PELI2: variants seen among roughly 807,000 people sequenced by gnomAD.
PELI2 encodes the protein pellino E3 ubiquitin protein ligase family member 2, also known as E3 ubiquitin-protein ligase pellino homolog 2.
In PELI2, 23 loss-of-function variants were observed where a neutral mutation model predicts 42.3. The ratio of observed to expected loss-of-function variants is 0.54; its 90% CI spans 0.39 to 0.77. The LOEUF is 0.77. PELI2 is among the 30% of genes least tolerant of loss of function. The pLI, the probability that PELI2 is intolerant of heterozygous loss-of-function variation, is 0.00. For synonymous variants in PELI2, 245 were observed against 212.2 expected (o/e 1.15, Z -1.34); for missense variants, 463 against 553.2 (o/e 0.84, Z 1.64).
intron 2 of PELI2, among the ~76,000 whole-genome samples, chr14:56,191,752 C>G (rs189080410): frequency 3.0e-4 from 46 of 152,310 alleles, no homozygotes; most frequent in African/African-American, 1.1e-3. Context: ...ATTTTGAGAA[C>G]TTTGTACTTG....
intron 2 of PELI2, among the ~76,000 whole-genome samples, chr14:56,262,359 G>C (rs968933359): frequency 6.6e-6 from 1 of 152,026 alleles, no homozygotes; most frequent in African/African-American, 2.4e-5. Flanking sequence ...TAATGAATTA[G>C]ATCTGAATCC....
chr14:56,137,011 C>A (rs1031431978), intron 1 of PELI2, among the ~76,000 whole-genome samples: 9 of 152,162 alleles, frequency 5.9e-5, no homozygotes, highest in Admixed American at 5.9e-4. Flanking sequence ...TGGCTAGTGT[C>A]TAGTCTTATG....
intron 1 of PELI2, chr14:56,145,143 A>G (rs1884068508): frequency 6.0e-6 from 1 of 166,944 alleles, no homozygotes; most frequent in Non-Finnish European, 1.2e-5. Flanking sequence ...GGCCTCAGGA[A>G]ACTTTCAGTC....
chr14:56,131,587 T>A (rs1427920955), intron 1 of PELI2, among the ~76,000 whole-genome samples: 4 of 152,372 alleles, frequency 2.6e-5, no homozygotes, highest in South Asian at 2.1e-4. Context: ...CTGAGTAGTT[T>A]ACATGTACCA....
rs979834097 is a variant in PELI2, at chr14:56,219,601, G to A, written c.207+41137G>A. On this transcript the variant is annotated intron_variant, in intron 2 of 5. Coordinates refer to ENST00000267460, the MANE Select transcript of PELI2 (RefSeq NM_021255.3). The surrounding 1 kb of genome is among the most constrained non-coding windows in gnomAD (Gnocchi z 4.1). ...TCTCTGAGCTGCCACACACTCATAA[G>A]AGGCCTCCTTAGTCCTACTCCCAGG... Among the ~76,000 whole-genome samples, 9 of 152,152 alleles carry A rather than the reference G, an allele frequency of 5.9e-5. No individual in the cohort carries two copies. Among genetic ancestry groups the A allele is most frequent in the African/African-American group, 2.2e-4 (9 of 41,430 alleles).
At chr14:56,210,751 T>C (rs1464025669) in intron 2 of PELI2, among the ~76,000 whole-genome samples, 2 of 152,132 alleles carry the variant, frequency 1.3e-5, no homozygotes, top group African/African-American at 4.8e-5. Flanking sequence ...ATGGCATGAT[T>C]TGAAGTGCTA....
chr14:56,153,481 A>G (rs1044341678), intron 1 of PELI2, among the ~76,000 whole-genome samples: 5 of 152,204 alleles, frequency 3.3e-5, no homozygotes, highest in Admixed American at 1.3e-4. Context: ...TGACAACTCT[A>G]TTCTTTTAGG....
rs533077743 is a variant in PELI2, at chr14:56,176,944, C to T, written c.78-1391C>T. ...GACATGGAAATATATTAAAACAAAA[C>T]GGGTTTGTAATGGTTGTTGACTCAT... On this transcript the variant is annotated intron_variant, in intron 1 of 5. Transcript: ENST00000267460. Among the ~76,000 whole-genome samples the T allele has an allele frequency of 2.8e-4, 42 of 152,214 alleles. 1 individual carries two copies. The highest frequency in any genetic ancestry group is 3.4e-3 in the Middle Eastern group (1 of 294).
chr14:56,146,785 T>C (rs1038666387), intron 1 of PELI2, among the ~76,000 whole-genome samples: 1 of 141,432 alleles, frequency 7.1e-6, no homozygotes, highest in Admixed American at 6.9e-5. Flanking sequence ...AAAGGTCTTC[T>C]TTTTTTTTTT....
chr14:56,224,929 C>T (rs1045596148), intron 2 of PELI2, among the ~76,000 whole-genome samples: 1 of 152,112 alleles, frequency 6.6e-6, no homozygotes, highest in African/African-American at 2.4e-5. Flanking sequence ...GCCATAGCAC[C>T]AGCCACACTG....
At chr14:56,225,098 G>A (rs1039478756) in intron 2 of PELI2, among the ~76,000 whole-genome samples, 3 of 152,186 alleles carry the variant, frequency 2.0e-5, no homozygotes, top group African/African-American at 7.2e-5. Flanking sequence ...GTAAATACAT[G>A]TGCGTGTGCA....
chr14:56,197,144 G>A lies in PELI2; in HGVS notation c.207+18680G>A, dbSNP rs569029707. ...AAACATGGTCCCTGCACAAATGGAG[G>A]TTGTAGGGTCAGAGGCAGGCAATAA... On this transcript the variant is annotated intron_variant, in intron 2 of 5. Transcript: ENST00000267460. The surrounding 1 kb of genome is among the most constrained non-coding windows in gnomAD (Gnocchi z 4.9). Among the ~76,000 whole-genome samples the A allele has an allele frequency of 6.6e-6, 1 of 152,300 alleles. No homozygotes were observed. The highest frequency in any genetic ancestry group is 1.5e-5 in the Non-Finnish European group (1 of 68,032).
chr14:56,203,848 A>G (rs973343359), intron 2 of PELI2, among the ~76,000 whole-genome samples: 1 of 152,160 alleles, frequency 6.6e-6, no homozygotes, highest in Admixed American at 6.5e-5. Flanking sequence ...GAGTGGAGAA[A>G]ATCGGTGACT....
chr14:56,233,891 A>C lies in PELI2; in HGVS notation c.208-45785A>C, dbSNP rs537634929. On this transcript the variant is annotated intron_variant, in intron 2 of 5. Coordinates refer to ENST00000267460, the MANE Select transcript of PELI2 (RefSeq NM_021255.3). ...GGCTAATATCCAGAATCTACAAAGA[A>C]CTTAAACAAATTTATAAGGGAATAT... is the stretch of plus-strand genomic sequence containing the variant. Among the ~76,000 whole-genome samples, 4 of 152,350 alleles carry C rather than the reference A, an allele frequency of 2.6e-5. No individual in the cohort carries two copies. In the South Asian group the frequency reaches 8.3e-4, roughly 32 times the overall value.
intron 1 of PELI2, among the ~76,000 whole-genome samples, chr14:56,139,680 A>G (rs1006573997): frequency 6.6e-6 from 1 of 151,928 alleles, no homozygotes; most frequent in Non-Finnish European, 1.5e-5. Context: ...CTGTTTTTCT[A>G]TGTTGCAAAC....
chr14:56,200,776 AGCAGGCCT>A lies in PELI2; in HGVS notation c.207+22313_207+22320del, dbSNP rs568773411. ...CCTGTTAGACTGTTTTTAATATCACAGCAGGCCTTAGCAGAAGAACTGTTGGCATTTTC... is the reference window on the plus strand; with the variant it reads ...CCTGTTAGACTGTTTTTAATATCACATAGCAGAAGAACTGTTGGCATTTTC... On this transcript the variant is annotated intron_variant, in intron 2 of 5. Coordinates refer to ENST00000267460, the MANE Select transcript of PELI2 (RefSeq NM_021255.3). Among the ~76,000 whole-genome samples, 337 of 152,328 alleles carry A rather than the reference AGCAGGCCT, an allele frequency of 2.2e-3. 1 individual carries two copies. Among genetic ancestry groups the A allele is most frequent in the African/African-American group, 7.9e-3 (328 of 41,570 alleles).
intron 1 of PELI2, among the ~76,000 whole-genome samples, chr14:56,167,487 A>C (rs775318661): frequency 6.6e-6 from 1 of 152,188 alleles, no homozygotes. Context: ...CACCAATTGC[A>C]CTTTTTCAGC....
intron 3 of PELI2, among the ~76,000 whole-genome samples, chr14:56,284,257 G>A (rs892622633): frequency 6.6e-6 from 1 of 152,158 alleles, no homozygotes; most frequent in African/African-American, 2.4e-5. Flanking sequence ...GTAAGATCTT[G>A]GTCATTATTT....
intron 2 of PELI2, among the ~76,000 whole-genome samples, chr14:56,255,124 T>C (rs1489519290): frequency 6.6e-6 from 1 of 152,176 alleles, no homozygotes; most frequent in Non-Finnish European, 1.5e-5. Flanking sequence ...GACCCAGCAA[T>C]CCCATTATTG....
Sources: allele counts gnomAD v4.1 joint callset (sites outside exome capture counted in the v4.1 genomes callset), GRCh38; gene constraint gnomAD v4.1.1; non-coding constraint Gnocchi (gnomAD v3.1); transcripts MANE v1.5; gene names NCBI Gene and HGNC (gene_info 2026-07-23, HGNC 2026-07-21).